Variants in ERC1 observed in about 807,000 individuals in gnomAD.
ERC1 encodes RAB6 interacting protein 2.
A neutral mutation model predicts 132.0 loss-of-function variants in ERC1; 56 were observed. The observed-to-expected ratio is 0.42, with a 90% CI of 0.34 to 0.53. ERC1 has a LOEUF of 0.53. Among genes scored for constraint, ERC1 ranks in the 20% least tolerant of loss-of-function variants. The pLI is 0.03. For synonymous variants in ERC1, 478 were observed against 476.1 expected, an observed-to-expected ratio of 1.00 and a Z score of -0.05; for missense variants, 1,202 against 1,349.9, an observed-to-expected ratio of 0.89 and a Z score of 1.72.
chr12:996,468 G>C (rs1179211250), intron 1 of ERC1, among the ~76,000 whole-genome samples: 11 of 151,918 alleles, frequency 7.2e-5, no homozygotes, highest in Admixed American at 7.2e-4. Context: ...TGTAGTTCCA[G>C]CTGCTCTGGA....
chr12:1,178,246 A>G lies in ERC1; in HGVS notation c.1738-2294A>G, dbSNP rs139066597. The stretch of plus-strand genomic sequence containing the variant: ...TATTAATGTAAGAAACTACCTGACA[A>G]TTGGATCCAGGATTGTTTTGTAATT... On this transcript the variant is annotated intron_variant, in intron 8 of 18. Transcript: ENST00000360905. Among the ~76,000 whole-genome samples the G allele has an allele frequency of 3.2e-3, 481 of 152,276 alleles. 3 individuals are homozygous for G. Among genetic ancestry groups the G allele is most frequent in the African/African-American group, 0.01 (423 of 41,566 alleles).
rs1566162833 is a variant in ERC1, at chr12:1,180,279, GT to G, written c.1738-260del. 6.0e-4 allele frequency among the ~76,000 whole-genome samples: 87 copies of G among 144,904 alleles called. 1 individual carries two copies. Among genetic ancestry groups the G allele is most frequent in the Admixed American group, 3.3e-3 (49 of 15,042 alleles). ...TGTGTGTGTGTGTGTGTGTGTGTGT[GT>G]GTGCGCGCACGCGTGTGCGCGCGCG... On this transcript the variant is annotated intron_variant, in intron 8 of 18. Transcript: ENST00000360905.
intron 12 of ERC1, among the ~76,000 whole-genome samples, chr12:1,211,582 G>T (rs1407904669): frequency 1.3e-5 from 2 of 150,770 alleles, no homozygotes; most frequent in Non-Finnish European, 3.0e-5. Context: ...TTTCTGAGAT[G>T]GAGTTTCGCT....
intron 12 of ERC1, among the ~76,000 whole-genome samples, chr12:1,202,353 T>A (rs958559834): frequency 6.6e-6 from 1 of 152,144 alleles, no homozygotes; most frequent in Non-Finnish European, 1.5e-5. Flanking sequence ...TCTCCTGAAG[T>A]TATTTCCCAA....
chr12:1,494,221 G>T lies in ERC1; in HGVS notation c.*3991G>T, dbSNP rs2094342784. The T allele has an allele frequency of 4.3e-6, 1 of 232,228 alleles. No homozygotes were observed. The highest frequency in any genetic ancestry group is 8.5e-6 in the Non-Finnish European group (1 of 117,444). 14.4% of individuals were successfully genotyped at this position (232,228 alleles called of 1,614,324 possible). A position where few individuals can be genotyped will look rare whatever the true frequency, so the allele number is the denominator to read the frequency against. ...TCACCTGCCTGGGTTCGGAACTGAG[G>T]AGGAAGGATGAGAAGAGACTGCAAT... On this transcript the variant is annotated 3_prime_UTR_variant, in exon 19 of 19. Coordinates refer to ENST00000360905, the MANE Select transcript of ERC1 (RefSeq NM_178040.4).
chr12:1,242,569 A>G (rs78257429), intron 13 of ERC1, among the ~76,000 whole-genome samples: 7,459 of 152,280 alleles, frequency 0.049, 259 homozygotes, highest in African/African-American at 0.097. Flanking sequence ...ATTCACCTAT[A>G]AAATAACCTT....
At chr12:1,113,235 T>A (rs1269207988) in intron 6 of ERC1, among the ~76,000 whole-genome samples, 1 of 152,208 alleles carries the variant, frequency 6.6e-6, no homozygotes, top group Non-Finnish European at 1.5e-5. Flanking sequence ...CAGTCCCCCA[T>A]GGACCCATGG....
In ERC1 at chr12:1,400,912, TTGTA is replaced by T. The variant is rs1178668658; in HGVS notation, c.2926-7235_2926-7232del. The stretch of plus-strand genomic sequence containing the variant: ...TCATTCAATATTGTTTTGGCTATTT[TTGTA>T]TTTTTTTTTTTTTTTTTTTTTTTTT... On this transcript the variant is annotated intron_variant, in intron 16 of 18. Transcript: ENST00000360905. Among the ~76,000 whole-genome samples, 79 of 67,110 alleles carry T rather than the reference TTGTA, an allele frequency of 1.2e-3. 9 individuals are homozygous for T. Among genetic ancestry groups the T allele is most frequent in the African/African-American group, 2.1e-3 (20 of 9,708 alleles). 44.0% of individuals were successfully genotyped at this position (67,110 alleles called of 152,430 possible). A position where few individuals can be genotyped will look rare whatever the true frequency, so the allele number is the denominator to read the frequency against.
chr12:1,117,271 G>C (rs995720875), intron 7 of ERC1, among the ~76,000 whole-genome samples: 1 of 152,094 alleles, frequency 6.6e-6, no homozygotes. Context: ...AGTCTTAGAA[G>C]ACAAGAATCT....
At chr12:1,070,196 A>G (rs908420120) in intron 2 of ERC1, among the ~76,000 whole-genome samples, 2 of 152,224 alleles carry the variant, frequency 1.3e-5, no homozygotes, top group Non-Finnish European at 2.9e-5. Context: ...GTAAGGTTAC[A>G]TTGAGTTAGG....
chr12:1,275,054 G>A (rs1436889539), intron 14 of ERC1, among the ~76,000 whole-genome samples: 1 of 152,196 alleles, frequency 6.6e-6, no homozygotes, highest in Non-Finnish European at 1.5e-5. Flanking sequence ...GGATGGTGTG[G>A]CATGAAACTG....
At chr12:1,109,799 C>T (rs1277432083) in intron 4 of ERC1, among the ~76,000 whole-genome samples, 2 of 152,152 alleles carry the variant, frequency 1.3e-5, no homozygotes, top group African/African-American at 2.4e-5. Context: ...CATAAGCCCA[C>T]CACTTTTGGA....
intron 13 of ERC1, among the ~76,000 whole-genome samples, chr12:1,251,973 CTT>C (rs1000124756): frequency 1.1e-4 from 17 of 151,736 alleles, no homozygotes; most frequent in African/African-American, 3.9e-4. Context: ...CAATGAGATT[CTT>C]TTTTTTCTTA....
chr12:1,206,337 G>A (rs1226219453), intron 12 of ERC1, among the ~76,000 whole-genome samples: 1 of 151,998 alleles, frequency 6.6e-6, no homozygotes, highest in African/African-American at 2.4e-5. Context: ...ATGACCTTGG[G>A]CAAGATACTT....
At chr12:1,055,518 G>A (rs1189857816) in intron 2 of ERC1, among the ~76,000 whole-genome samples, 1 of 152,086 alleles carries the variant, frequency 6.6e-6, no homozygotes, top group Non-Finnish European at 1.5e-5. Flanking sequence ...TGATATATAG[G>A]CTTACACAAT....
intron 17 of ERC1, among the ~76,000 whole-genome samples, chr12:1,437,407 T>G (rs1205998513): frequency 6.6e-6 from 1 of 152,220 alleles, no homozygotes; most frequent in Non-Finnish European, 1.5e-5. Flanking sequence ...CTTACAAATT[T>G]CCGAGTACTA....
At chr12:1,421,345 C>G (rs918704685) in intron 17 of ERC1, among the ~76,000 whole-genome samples, 1 of 152,166 alleles carries the variant, frequency 6.6e-6, no homozygotes. Flanking sequence ...GATCAGAGGA[C>G]GAGAGATATT....
chr12:1,016,635 C>CTTTTT (rs397967271), intron 1 of ERC1, among the ~76,000 whole-genome samples: 22 of 128,020 alleles, frequency 1.7e-4, no homozygotes, highest in South Asian at 7.5e-4. Flanking sequence ...CTTTTCTTTT[C>CTTTTT]TTTTTTTTTT....
intron 14 of ERC1, among the ~76,000 whole-genome samples, chr12:1,280,101 C>T (rs973230862): frequency 2.6e-5 from 4 of 152,246 alleles, no homozygotes; most frequent in East Asian, 1.9e-4. Context: ...ATATATCGTT[C>T]GCTTGTAATG....
Sources: gnomAD v4.1 joint callset for allele counts (sites outside exome capture counted in the v4.1 genomes callset) on GRCh38, gnomAD v4.1.1 for gene constraint, MANE v1.5 for transcripts, NCBI Gene and HGNC (gene_info 2026-07-23, HGNC 2026-07-21) for gene names.